The following ABCA1 variants were observed in gnomAD, a reference collection of about 807,000 sequenced individuals.
ABCA1 encodes the protein ATP binding cassette subfamily A member 1, also known as phospholipid-transporting ATPase ABCA1.
Under a neutral mutation model 262.5 loss-of-function variants are expected in ABCA1, and 133 were observed. That is an observed-to-expected ratio of 0.51 (90% CI 0.44 to 0.59). ABCA1 has a LOEUF of 0.59. Among genes scored for constraint, ABCA1 ranks in the 20% least tolerant of loss-of-function variants. The pLI is 0.00. For synonymous variants in ABCA1, 1,022 were observed against 1,043.5 expected (o/e 0.98, Z 0.40); for missense variants, 2,452 against 2,777.5 (o/e 0.88, Z 2.63).
chr9:104,909,936 C>CT (rs1260024464), intron 1 of ABCA1, among the ~76,000 whole-genome samples: 2 of 152,200 alleles, frequency 1.3e-5, no homozygotes, highest in African/African-American at 4.8e-5. Context: ...CTAAATCTGT[C>CT]TATGGAAACA....
Position 104,817,478 on chromosome 9 carries a change from G to T in ABCA1, c.3463-74C>A. ...GAGCCACCAGCACCTTCGCCGGGGA[G>T]GGCTTCCAAGAAGCTCTGTTGTGTG... On this transcript the variant is annotated intron_variant, in intron 23 of 49. Coordinates refer to ENST00000374736, the MANE Select transcript of ABCA1 (RefSeq NM_005502.4). This position sits in a 1 kb window ranked among gnomAD's most constrained non-coding sequence, Gnocchi z 4.7. 6.7e-7 allele frequency: 1 copy of T among 1,503,344 alleles called. No individual in the cohort carries two copies. The highest frequency in any genetic ancestry group is 9.2e-7 in the Non-Finnish European group (1 of 1,083,056). 93.1% of individuals were successfully genotyped at this position (1,503,344 alleles called of 1,614,324 possible).
At chr9:104,926,470 C>CAAAAAAAAAA (rs781060719) in intron 1 of ABCA1, among the ~76,000 whole-genome samples, 14 of 118,744 alleles carry the variant, frequency 1.2e-4, no homozygotes, top group Non-Finnish European at 1.6e-4. Flanking sequence ...ACCAAAAAAA[C>CAAAAAAAAAA]AAAAAAAAAA....
chr9:104,794,623 A>G, intron 39 of ABCA1, 113 bp from the exon 40 acceptor site: 1 of 1,302,442 alleles, frequency 7.7e-7, no homozygotes, highest in South Asian at 1.4e-5. Flanking sequence ...GAGTGAAGAA[A>G]AAATTTGATT....
chr9:104,869,930 A>G (rs1837451003), intron 5 of ABCA1, among the ~76,000 whole-genome samples: 1 of 152,164 alleles, frequency 6.6e-6, no homozygotes, highest in Non-Finnish European at 1.5e-5. Context: ...AGTTATCACT[A>G]ATGACACTAA....
intron 1 of ABCA1, among the ~76,000 whole-genome samples, chr9:104,918,300 C>T (rs1342923796): frequency 6.6e-6 from 1 of 152,152 alleles, no homozygotes; most frequent in East Asian, 1.9e-4. Context: ...TAGAGAGAGA[C>T]TCATTTAACA....
In ABCA1 at chr9:104,831,694, AGCTCAAT is replaced by A; in HGVS notation, c.1636_1642del (p.Ile546CysfsTer61). The A allele has an allele frequency of 6.2e-7, 1 of 1,614,214 alleles. No individual in the cohort carries two copies. Among genetic ancestry groups the A allele is most frequent in the Non-Finnish European group, 8.5e-7 (1 of 1,180,038 alleles). ...GATCTTGTACTTGACATGATGGGGC[AGCTCAAT>A]GCTGCCTGGAGTAATTCCAGTGAAC... On this transcript the variant is annotated frameshift_variant, in exon 13 of 50. Transcript: ENST00000374736. LOFTEE classifies it high-confidence loss of function.
intron 5 of ABCA1, among the ~76,000 whole-genome samples, chr9:104,880,863 AAAG>A (rs1197958982): frequency 2.0e-5 from 3 of 152,114 alleles, no homozygotes; most frequent in Non-Finnish European, 4.4e-5. Flanking sequence ...CCAGCTTCTC[AAAG>A]AAGGCCAGGC....
At chr9:104,871,840 C>T (rs1228188103) in intron 5 of ABCA1, among the ~76,000 whole-genome samples, 1 of 152,026 alleles carries the variant, frequency 6.6e-6, no homozygotes, top group Non-Finnish European at 1.5e-5. Context: ...GCATTCAGTT[C>T]CCAAGGATGA....
chr9:104,811,964 T>C (rs1831318283), intron 28 of ABCA1, among the ~76,000 whole-genome samples: 1 of 152,238 alleles, frequency 6.6e-6, no homozygotes, highest in South Asian at 2.1e-4. Flanking sequence ...CTTTTCTCTA[T>C]ATTTCTTGAT....
At position 104,783,038 on chromosome 9, in the gene ABCA1, T is replaced by C. The variant is rs1415242868; in HGVS notation, c.*1277A>G. The C allele has an allele frequency of 1.3e-5, 2 of 152,578 alleles. No individual in the cohort carries two copies. The highest frequency in any genetic ancestry group is 2.4e-5 in the African/African-American group (1 of 41,424). 9.5% of individuals were successfully genotyped at this position (152,578 alleles called of 1,614,324 possible). A position where few individuals can be genotyped will look rare whatever the true frequency, so the allele number is the denominator to read the frequency against. On this transcript the variant is annotated 3_prime_UTR_variant, in exon 50 of 50. Transcript: ENST00000374736. ...AGCATACACTCAAAAAATATTTGAT[T>C]GATGAAGTGAGATTAAGAGTATCCT...
At chr9:104,805,794 G>T (rs1278808418) in intron 31 of ABCA1, among the ~76,000 whole-genome samples, 1 of 152,208 alleles carries the variant, frequency 6.6e-6, no homozygotes, top group East Asian at 1.9e-4. Context: ...TTTTTCTTAT[G>T]ACAAGAAGCG....
chr9:104,913,934 T>C (rs537940387), intron 1 of ABCA1, among the ~76,000 whole-genome samples: 1 of 151,414 alleles, frequency 6.6e-6, no homozygotes, highest in South Asian at 2.1e-4. Context: ...TAGCTGGGAC[T>C]ACCGACAGCC....
rs2243313 is a variant in ABCA1 at position 104,858,859 on chromosome 9, A to C, written c.544-161T>G. Among the ~76,000 whole-genome samples, 58,463 of 152,058 alleles carry C rather than the reference A, an allele frequency of 0.38. 13,083 individuals carry two copies. Among genetic ancestry groups the C allele is most frequent in the African/African-American group, 0.63 (25,949 of 41,458 alleles). ...CAATGCATCAGGTCTCTTTACTGAA[A>C]CTCAGAATGTATCAAAGCACAAGGC... On this transcript the variant is annotated intron_variant, in intron 6 of 49. Transcript: ENST00000374736.
intron 36 of ABCA1, 127 bp downstream of exon 36, chr9:104,799,692 A>G: frequency 2.5e-6 from 4 of 1,578,746 alleles, no homozygotes; most frequent in South Asian, 2.3e-5. Flanking sequence ...GCCTGGATCA[A>G]TCCAGATTTA....
chr9:104,853,950 G>C lies in ABCA1; in HGVS notation c.720+4572C>G, dbSNP rs551929870. Among the ~76,000 whole-genome samples, 220 of 152,316 alleles carry C rather than the reference G, an allele frequency of 1.4e-3. 1 individual carries two copies. The highest frequency in any genetic ancestry group is 6.8e-3 in the Middle Eastern group (2 of 294). On this transcript the variant is annotated intron_variant, in intron 7 of 49. Transcript: ENST00000374736. The stretch of plus-strand genomic sequence containing the variant: ...ATGCACATTTCATAGCAAATGCACT[G>C]TGTAGATGTAATTAAAGTTATGAAC...
intron 5 of ABCA1, among the ~76,000 whole-genome samples, chr9:104,866,102 ACCT>A (rs1382147338): frequency 2.0e-5 from 3 of 152,124 alleles, no homozygotes; most frequent in Non-Finnish European, 4.4e-5. Flanking sequence ...AAGGGGTAAG[ACCT>A]CTCATGATGA....
chr9:104,781,906 A>G lies in ABCA1; in HGVS notation c.*2409T>C, dbSNP rs557529420. 26 of 152,338 alleles carry G rather than the reference A, an allele frequency of 1.7e-4. 1 individual carries two copies. The highest frequency in any genetic ancestry group is 1.7e-3 in the South Asian group (8 of 4,834). 9.4% of individuals were successfully genotyped at this position (152,338 alleles called of 1,614,324 possible). On this transcript the variant is annotated 3_prime_UTR_variant, in exon 50 of 50. Coordinates refer to ENST00000374736, the MANE Select transcript of ABCA1 (RefSeq NM_005502.4). ...TAGGTTTACACAGGAAAATGTAAAA[A>G]ATTACTATTTTAAAAGGTAACACAG... is the stretch of plus-strand genomic sequence containing the variant.
At chr9:104,900,070 G>T (rs535722356) in intron 2 of ABCA1, among the ~76,000 whole-genome samples, 3 of 152,140 alleles carry the variant, frequency 2.0e-5, no homozygotes, top group East Asian at 3.9e-4. Context: ...CTGCACAATG[G>T]GGGTACAGGA....
At chr9:104,807,154 C>CTG (rs1427477126) in intron 30 of ABCA1, among the ~76,000 whole-genome samples, 5 of 152,196 alleles carry the variant, frequency 3.3e-5, no homozygotes, top group African/African-American at 1.2e-4. Context: ...TGAGAGAGGC[C>CTG]TGGGAAAGAG....
Sources: allele counts gnomAD v4.1 joint callset (sites outside exome capture counted in the v4.1 genomes callset), GRCh38; gene constraint gnomAD v4.1.1; non-coding constraint Gnocchi (gnomAD v3.1); transcripts MANE v1.5; gene names NCBI Gene and HGNC (gene_info 2026-07-23, HGNC 2026-07-21).